The following ATP6V1H variants were observed in gnomAD, a reference collection of about 807,000 sequenced individuals.
The protein encoded by ATP6V1H is V-type proton ATPase subunit H.
ATP6V1H carries 39 observed loss-of-function variants against 71.7 expected under a neutral mutation model. The ratio of observed to expected loss-of-function variants is 0.54; its 90% CI spans 0.42 to 0.71. The LOEUF (loss-of-function observed/expected upper bound fraction) is 0.71, where lower values mean the gene tolerates loss of function less well. Among genes scored for constraint, ATP6V1H ranks in the 30% least tolerant of loss-of-function variants. The pLI is 0.00. For synonymous variants in ATP6V1H, 192 were observed against 199.3 expected (o/e 0.96, Z 0.31); for missense variants, 509 against 594.9 (o/e 0.86, Z 1.50).
At position 53,771,731 on chromosome 8, in the gene ATP6V1H, T is replaced by TCA. The variant is rs528856381; in HGVS notation, c.1049+256_1049+257dup. Among the ~76,000 whole-genome samples, 336 of 152,016 alleles carry TCA rather than the reference T, an allele frequency of 2.2e-3. 2 individuals carry two copies. Among genetic ancestry groups the TCA allele is most frequent in the African/African-American group, 7.8e-3 (325 of 41,454 alleles). ...AGACTCGAGGAGCTCCAGGGTGGAG[T>TCA]CATCCTGAGGGAGTAAAGCCGGTCA... On this transcript the variant is annotated intron_variant, in intron 10 of 13. Coordinates refer to ENST00000359530, the MANE Select transcript of ATP6V1H (RefSeq NM_015941.4).
At chr8:53,769,575 G>T in intron 11 of ATP6V1H, 43 bp downstream of exon 11, 1 of 1,559,100 alleles carries the variant, frequency 6.4e-7, no homozygotes, top group Non-Finnish European at 8.7e-7. Context: ...TGAGGATTTG[G>T]GATAACAGAT....
At chr8:53,829,976 C>A (rs1810951683) in intron 3 of ATP6V1H, among the ~76,000 whole-genome samples, 2 of 152,116 alleles carry the variant, frequency 1.3e-5, no homozygotes, top group Admixed American at 1.3e-4. Flanking sequence ...TACATGACAA[C>A]CTCTCCATAA....
At chr8:53,722,019 T>C (rs1806637345) in intron 13 of ATP6V1H, among the ~76,000 whole-genome samples, 2 of 152,122 alleles carry the variant, frequency 1.3e-5, no homozygotes, top group Non-Finnish European at 2.9e-5. Context: ...CGTTAAAGAG[T>C]GTATTCTAAA....
intron 7 of ATP6V1H, chr8:53,806,720 G>A: frequency 2.6e-6 from 1 of 384,382 alleles, no homozygotes; most frequent in East Asian, 7.3e-5. Context: ...GTAAAAGAAA[G>A]TCTTAAATTT....
chr8:53,815,706 T>A (rs544582936), intron 5 of ATP6V1H, among the ~76,000 whole-genome samples: 1 of 152,226 alleles, frequency 6.6e-6, no homozygotes, highest in Non-Finnish European at 1.5e-5. Context: ...TTATCTAGTT[T>A]AAACTCATCT....
intron 2 of ATP6V1H, among the ~76,000 whole-genome samples, chr8:53,834,086 C>A (rs1811087166): frequency 6.6e-6 from 1 of 152,140 alleles, no homozygotes; most frequent in African/African-American, 2.4e-5. Flanking sequence ...CCTGCTAGCC[C>A]CCTGTAAGAC....
chr8:53,794,704 A>G (rs1809674973), intron 9 of ATP6V1H, among the ~76,000 whole-genome samples: 1 of 152,192 alleles, frequency 6.6e-6, no homozygotes, highest in Admixed American at 6.5e-5. Flanking sequence ...AAGAAAGTAT[A>G]AGAACAAAAA....
chr8:53,802,086 T>C (rs1203715726), intron 7 of ATP6V1H, among the ~76,000 whole-genome samples, 190 bp from the exon 8 acceptor site: 3 of 151,550 alleles, frequency 2.0e-5, no homozygotes, highest in African/African-American at 7.3e-5. Context: ...ATGAACAAGA[T>C]TTTGTCTCCT....
intron 9 of ATP6V1H, among the ~76,000 whole-genome samples, chr8:53,791,543 AACAAGTCCT>A (rs938556803): frequency 1.3e-5 from 2 of 152,232 alleles, no homozygotes; most frequent in African/African-American, 4.8e-5. Context: ...GGAAAGGAAT[AACAAGTCCT>A]ACAAGCACAA....
At chr8:53,735,782 A>C (rs1362243148) in intron 13 of ATP6V1H, among the ~76,000 whole-genome samples, 1 of 152,180 alleles carries the variant, frequency 6.6e-6, no homozygotes, top group African/African-American at 2.4e-5. Context: ...TAAAAAGTAA[A>C]ATCTAATTTC....
intron 12 of ATP6V1H, among the ~76,000 whole-genome samples, chr8:53,756,004 G>A (rs1291019384): frequency 8.4e-4 from 121 of 143,240 alleles, no homozygotes; most frequent in Non-Finnish European, 1.5e-3. Flanking sequence ...TGATCCGCCC[G>A]CCTCGGCCTC....
At chr8:53,829,329 A>C in intron 4 of ATP6V1H, 115 bp downstream of exon 4, 1 of 667,744 alleles carries the variant, frequency 1.5e-6, no homozygotes, top group Non-Finnish European at 2.6e-6. Context: ...AAAATATATT[A>C]TTATGCTCTA....
At chr8:53,825,919 AAATT>A (rs1394593871) in intron 4 of ATP6V1H, among the ~76,000 whole-genome samples, 2 of 152,146 alleles carry the variant, frequency 1.3e-5, no homozygotes, top group African/African-American at 4.8e-5. Flanking sequence ...AAATAAAAAT[AAATT>A]GTTTTACCCT....
At chr8:53,740,791 A>T (rs1197316337) in intron 13 of ATP6V1H, among the ~76,000 whole-genome samples, 1 of 152,210 alleles carries the variant, frequency 6.6e-6, no homozygotes, top group Non-Finnish European at 1.5e-5. Flanking sequence ...ACTTTGCAAA[A>T]GATTACTTTC....
intron 4 of ATP6V1H, among the ~76,000 whole-genome samples, chr8:53,822,188 A>G (rs1024361273): frequency 2.6e-5 from 4 of 152,176 alleles, no homozygotes; most frequent in Non-Finnish European, 2.9e-5. Flanking sequence ...TAATGCAAAA[A>G]TTTAGAGACT....
At position 53,773,208 on chromosome 8, in the gene ATP6V1H, C is replaced by T. The variant is rs191600904; in HGVS notation, c.871-1041G>A. 2.2e-3 allele frequency among the ~76,000 whole-genome samples: 340 copies of T among 152,274 alleles called. 3 individuals are homozygous for T. Among genetic ancestry groups the T allele is most frequent in the African/African-American group, 7.9e-3 (329 of 41,546 alleles). On this transcript the variant is annotated intron_variant, in intron 9 of 13. Transcript: ENST00000359530. ...GTGAACCTAATATTCCTACTCAGTG[C>T]TTACATCTATAGATATCAGAAATTA...
Position 53,795,838 on chromosome 8 carries a change from T to C in ATP6V1H, c.679A>G (p.Ile227Val), listed in dbSNP as rs1168084983. 2.5e-6 allele frequency: 4 copies of C among 1,582,670 alleles called. No individual in the cohort carries two copies. Among genetic ancestry groups the C allele is most frequent in the South Asian group, 2.3e-5 (2 of 86,188 alleles). ...CACTTGTTACTCAACACTCCCATTATGCTGAAAAACAAACAAACAAAAAAA... is the reference window on the plus strand; with the variant it reads ...CACTTGTTACTCAACACTCCCATTACGCTGAAAAACAAACAAACAAAAAAA... Reference protein sequence around the residue: ...AWVEADGVNCIMGVLSNKCGF... With the variant: ...AWVEADGVNCVMGVLSNKCGF... Residue 227 changes from isoleucine (I) to valine (V), a missense_variant and splice_region_variant, in exon 9 of 14, where the codon ATA (isoleucine) becomes GTA (valine). This residue lies in a region of ATP6V1H where 297 missense variants were observed against 303.3 expected (regional missense o/e 0.98). Transcript: ENST00000359530.
At position 53,767,790 on chromosome 8, in the gene ATP6V1H, A is replaced by C. The variant is rs563604745; in HGVS notation, c.1175+1828T>G. ...TGCAAAAGAAAGAAGTTGGAACCTT[A>C]CTTCATACCATATACAAAAATTAAC... On this transcript the variant is annotated intron_variant, in intron 11 of 13. Transcript: ENST00000359530. 2.0e-5 allele frequency among the ~76,000 whole-genome samples: 3 copies of C among 152,336 alleles called. No homozygotes were observed. In the South Asian group the frequency reaches 6.2e-4, roughly 32 times the overall value.
Position 53,733,414 on chromosome 8 carries a change from C to T in ATP6V1H, c.1391+10163G>A, listed in dbSNP as rs191467008. ...CTGCAAAAGTTTCCCGCCAGAGACC[C>T]AGGCTGTGTGTTGCTCCAGTGTGTC... On this transcript the variant is annotated intron_variant, in intron 13 of 13. Transcript: ENST00000359530. Among the ~76,000 whole-genome samples the T allele has an allele frequency of 2.3e-3, 344 of 152,344 alleles. 1 individual carries two copies. Among genetic ancestry groups the T allele is most frequent in the African/African-American group, 8.0e-3 (333 of 41,570 alleles).
Sources: allele counts gnomAD v4.1 joint callset (sites outside exome capture counted in the v4.1 genomes callset), GRCh38; gene constraint gnomAD v4.1.1; regional missense constraint gnomAD v4.1.1; transcripts MANE v1.5; gene names NCBI Gene and HGNC (gene_info 2026-07-23, HGNC 2026-07-21).